Variants in ADGRA3 observed in about 807,000 individuals in gnomAD.
The protein encoded by ADGRA3 is adhesion G protein-coupled receptor A3.
A neutral mutation model predicts 119.8 loss-of-function variants in ADGRA3; 56 were observed. The ratio of observed to expected loss-of-function variants is 0.47; its 90% CI spans 0.38 to 0.58. The LOEUF (loss-of-function observed/expected upper bound fraction) is 0.58, where lower values mean the gene tolerates loss of function less well. ADGRA3 is among the 20% of genes least tolerant of loss of function. ADGRA3 has a pLI of 0.00. For synonymous variants in ADGRA3, 607 were observed against 623.8 expected, an observed-to-expected ratio of 0.97 and a Z score of 0.40; for missense variants, 1,516 against 1,649.0, an observed-to-expected ratio of 0.92 and a Z score of 1.40.
At chr4:22,420,820 G>T in intron 12 of ADGRA3, 66 bp downstream of exon 12, 5 of 1,466,518 alleles carry the variant, frequency 3.4e-6, no homozygotes, top group Non-Finnish European at 4.8e-6. Context: ...ATTTTGCGAA[G>T]CAGAACATTT....
rs1270800744 is a variant in ADGRA3 at position 22,414,942 on chromosome 4, T to TTTG, written c.1810-1129_1810-1128insCAA. On this transcript the variant is annotated intron_variant, in intron 12 of 18. Coordinates refer to ENST00000334304, the MANE Select transcript of ADGRA3 (RefSeq NM_145290.4). ...AAACGTTGGCAGCCAGGGGGAAGACTTTATACAGAGTCCTTGAAACAGGGC... is the reference window on the plus strand; with the variant it reads ...AAACGTTGGCAGCCAGGGGGAAGACTTTGTTATACAGAGTCCTTGAAACAGGGC... Among the ~76,000 whole-genome samples the TTTG allele has an allele frequency of 3.9e-5, 6 of 152,236 alleles. No homozygotes were observed. The South Asian group carries it at 6.2e-4, about 16-fold the overall frequency.
intron 16 of ADGRA3, among the ~76,000 whole-genome samples, chr4:22,399,241 T>C (rs1222037315): frequency 2.6e-5 from 4 of 152,254 alleles, no homozygotes; most frequent in Admixed American, 1.3e-4. Context: ...TAGTTACTGA[T>C]ATATTTTTTA....
At chr4:22,411,733 A>G (rs754300076) in intron 14 of ADGRA3, among the ~76,000 whole-genome samples, 1 of 152,202 alleles carries the variant, frequency 6.6e-6, no homozygotes, top group African/African-American at 2.4e-5. Flanking sequence ...TGTCAACACT[A>G]AAGTTAATCC....
chr4:22,455,312 G>C (rs187618274), intron 3 of ADGRA3, among the ~76,000 whole-genome samples: 18 of 152,266 alleles, frequency 1.2e-4, no homozygotes, highest in African/African-American at 3.9e-4. Context: ...TTGGAGAACT[G>C]AGCCCAAACT....
At chr4:22,409,494 C>T (rs1715098721) in intron 14 of ADGRA3, among the ~76,000 whole-genome samples, 2 of 152,166 alleles carry the variant, frequency 1.3e-5, no homozygotes, top group African/African-American at 4.8e-5. Context: ...CCAGCACTAG[C>T]TTTGTGAGCA....
At chr4:22,392,407 C>T in intron 17 of ADGRA3, 138 bp downstream of exon 17, 1 of 941,762 alleles carries the variant, frequency 1.1e-6, no homozygotes. Context: ...ATGCCTGAGC[C>T]ATTTTCAAAA....
chr4:22,498,865 G>T (rs554106202), intron 1 of ADGRA3, among the ~76,000 whole-genome samples: 2 of 151,830 alleles, frequency 1.3e-5, no homozygotes, highest in South Asian at 4.2e-4. Flanking sequence ...AGTGAGCAGA[G>T]ATCACACCAC....
At chr4:22,499,410 G>C (rs577868348) in intron 1 of ADGRA3, among the ~76,000 whole-genome samples, 3 of 152,298 alleles carry the variant, frequency 2.0e-5, no homozygotes, top group Non-Finnish European at 2.9e-5. Flanking sequence ...CTACTTGGCA[G>C]CAAAACCAAT....
intron 14 of ADGRA3, among the ~76,000 whole-genome samples, chr4:22,408,432 G>A (rs1403728459): frequency 6.6e-6 from 1 of 151,994 alleles, no homozygotes; most frequent in Non-Finnish European, 1.5e-5. Context: ...ATATTAAGAA[G>A]TCCTATAAAT....
At chr4:22,483,343 G>A (rs948988792) in intron 1 of ADGRA3, among the ~76,000 whole-genome samples, 5 of 152,092 alleles carry the variant, frequency 3.3e-5, no homozygotes, top group Admixed American at 6.6e-5. Context: ...ATAAAACTGG[G>A]TTTAAGTTTC....
chr4:22,402,208 AAAC>A, intron 15 of ADGRA3, among the ~76,000 whole-genome samples: 1 of 152,174 alleles, frequency 6.6e-6, no homozygotes, highest in East Asian at 1.9e-4. Flanking sequence ...TCCGATTAAC[AAAC>A]AACATATCCC....
chr4:22,504,775 G>C (rs1719180077), intron 1 of ADGRA3, among the ~76,000 whole-genome samples: 1 of 151,844 alleles, frequency 6.6e-6, no homozygotes, highest in African/African-American at 2.4e-5. Flanking sequence ...TGGTGACTAG[G>C]ATTAACCCTT....
intron 12 of ADGRA3, chr4:22,414,541 A>C: frequency 1.5e-6 from 1 of 675,314 alleles, no homozygotes; most frequent in Non-Finnish European, 2.7e-6. Flanking sequence ...TGAAGAATTT[A>C]TTGTACAATC....
At chr4:22,438,932 C>A (rs1320421026) in intron 7 of ADGRA3, among the ~76,000 whole-genome samples, 3 of 152,036 alleles carry the variant, frequency 2.0e-5, no homozygotes, top group Non-Finnish European at 4.4e-5. Context: ...ACCCAGGAGG[C>A]GGAGGTTGCA....
intron 1 of ADGRA3, among the ~76,000 whole-genome samples, chr4:22,490,645 T>C (rs1718590566): frequency 6.6e-6 from 1 of 152,192 alleles, no homozygotes; most frequent in Non-Finnish European, 1.5e-5. Flanking sequence ...AACTGAATCC[T>C]AGGGAATACA....
At chr4:22,508,587 A>G (rs4697018) in intron 1 of ADGRA3, among the ~76,000 whole-genome samples, 65,608 of 151,958 alleles carry the variant, frequency 0.43, 15,703 homozygotes, top group East Asian at 0.6. Flanking sequence ...TCTTGATCCA[A>G]TGGCTCTGCT....
At chr4:22,513,752 T>G (rs1719534196) in intron 1 of ADGRA3, among the ~76,000 whole-genome samples, 1 of 143,418 alleles carries the variant, frequency 7.0e-6, no homozygotes, top group Non-Finnish European at 1.5e-5. Context: ...CCTCAAGGGA[T>G]CCACCCGCTT....
chr4:22,498,370 G>A (rs1718920194), intron 1 of ADGRA3, among the ~76,000 whole-genome samples: 1 of 152,094 alleles, frequency 6.6e-6, no homozygotes, highest in African/African-American at 2.4e-5. Context: ...TGTAATCCCA[G>A]CACTTTGGGA....
At chr4:22,400,726 G>GAA (rs893713752) in intron 16 of ADGRA3, among the ~76,000 whole-genome samples, 2 of 140,728 alleles carry the variant, frequency 1.4e-5, no homozygotes, top group Non-Finnish European at 3.1e-5. Context: ...GCAAACAAAA[G>GAA]AAAAAAAAAA....
Sources: allele counts gnomAD v4.1 joint callset (sites outside exome capture counted in the v4.1 genomes callset), GRCh38; gene constraint gnomAD v4.1.1; transcripts MANE v1.5; gene names NCBI Gene and HGNC (gene_info 2026-07-23, HGNC 2026-07-21).